RUNX1: variants seen among roughly 807,000 people sequenced by gnomAD.
RUNX1 encodes the protein RUNX family transcription factor 1, also known as runt-related transcription factor 1.
In RUNX1, 19 loss-of-function variants were observed where a neutral mutation model predicts 42.8. The observed-to-expected ratio is 0.44, with a 90% CI of 0.31 to 0.65. The LOEUF is 0.65. Ranked by LOEUF, RUNX1 falls within the 30% of genes least tolerant of loss-of-function variation. The probability of loss-of-function intolerance (pLI) is 0.07; values close to 1 mark genes in which losing one functional copy is unlikely to be tolerated. For synonymous variants in RUNX1, 271 were observed against 289.4 expected (o/e 0.94, Z 0.64); for missense variants, 528 against 672.0 (o/e 0.79, Z 2.37).
At chr21:34,821,758 C>T (rs188388650) in intron 7 of RUNX1, 37 of 1,448,540 alleles carry the variant, frequency 2.6e-5, no homozygotes, top group Admixed American at 4.1e-5. Context: ...TTTATAGAGC[C>T]GCGAATGCAT....
chr21:34,836,040 A>G (rs1442913497), intron 6 of RUNX1, among the ~76,000 whole-genome samples: 1 of 152,214 alleles, frequency 6.6e-6, no homozygotes, highest in Non-Finnish European at 1.5e-5. Flanking sequence ...GACCAGAAAA[A>G]AAGGGCCCAC....
At chr21:34,927,049 G>C (rs980780973) in intron 2 of RUNX1, among the ~76,000 whole-genome samples, 5 of 152,092 alleles carry the variant, frequency 3.3e-5, no homozygotes, top group African/African-American at 1.2e-4. Context: ...TGAGGAACCA[G>C]TTGCCTGCCC....
intron 2 of RUNX1, among the ~76,000 whole-genome samples, chr21:34,962,501 T>C (rs1269629488): frequency 1.3e-5 from 2 of 152,236 alleles, no homozygotes; most frequent in Non-Finnish European, 2.9e-5. Context: ...TAAAAATTTG[T>C]AGTAATCTGG....
chr21:34,898,384 T>G (rs1015517137), intron 2 of RUNX1, among the ~76,000 whole-genome samples: 1 of 152,216 alleles, frequency 6.6e-6, no homozygotes, highest in African/African-American at 2.4e-5. Context: ...GGGCATGCTC[T>G]TTCCCTCTCC....
intron 2 of RUNX1, among the ~76,000 whole-genome samples, chr21:35,029,559 C>T (rs2242894): frequency 0.29 from 44,347 of 152,034 alleles, 7,005 homozygotes; most frequent in Non-Finnish European, 0.37. Context: ...CAGCCCTTGG[C>T]GAGGTATCTT....
intron 5 of RUNX1, among the ~76,000 whole-genome samples, chr21:34,870,442 T>G (rs530387032): frequency 1.3e-5 from 2 of 152,348 alleles, no homozygotes; most frequent in South Asian, 2.1e-4. Context: ...CCAGGGGACA[T>G]GACGCAATGG....
At chr21:34,810,717 C>T (rs900466892) in intron 7 of RUNX1, among the ~76,000 whole-genome samples, 7 of 152,124 alleles carry the variant, frequency 4.6e-5, no homozygotes, top group Admixed American at 1.3e-4. Context: ...GTGAAATGTG[C>T]CCCTCTGCCC....
intron 5 of RUNX1, among the ~76,000 whole-genome samples, chr21:34,869,157 C>T (rs1385193895): frequency 3.3e-5 from 5 of 152,162 alleles, no homozygotes; most frequent in Non-Finnish European, 7.3e-5. Context: ...CAGCAAGACC[C>T]ATGCTGCCTC....
chr21:34,888,858 C>G (rs758139113), intron 3 of RUNX1, among the ~76,000 whole-genome samples: 86 of 151,846 alleles, frequency 5.7e-4, no homozygotes, highest in Non-Finnish European at 1.1e-3. Flanking sequence ...CCCGCGCGCC[C>G]CCGCCGCCGC....
chr21:35,007,277 G>A (rs1226219456), intron 2 of RUNX1, among the ~76,000 whole-genome samples: 2 of 152,170 alleles, frequency 1.3e-5, no homozygotes, highest in Non-Finnish European at 1.5e-5. Context: ...CTGCGGGGCA[G>A]GGCTGTCCTG....
chr21:35,001,633 G>A (rs2059045054), intron 2 of RUNX1, among the ~76,000 whole-genome samples: 1 of 152,026 alleles, frequency 6.6e-6, no homozygotes, highest in Admixed American at 6.6e-5. Flanking sequence ...ACACAGTACT[G>A]GAAATTCTAG....
intron 2 of RUNX1, among the ~76,000 whole-genome samples, chr21:34,973,398 G>C (rs145937490): frequency 3.3e-5 from 5 of 152,310 alleles, no homozygotes; most frequent in African/African-American, 1.2e-4. Context: ...GATTGGACAA[G>C]TCACATAATC....
At chr21:34,969,590 C>T (rs1419776574) in intron 2 of RUNX1, among the ~76,000 whole-genome samples, 3 of 152,128 alleles carry the variant, frequency 2.0e-5, no homozygotes, top group Non-Finnish European at 4.4e-5. Flanking sequence ...CTTTGTACTT[C>T]TGCCAGGAGA....
intron 7 of RUNX1, among the ~76,000 whole-genome samples, chr21:34,816,933 G>T (rs1205416755): frequency 6.6e-6 from 1 of 152,190 alleles, no homozygotes; most frequent in East Asian, 1.9e-4. Context: ...GGCTAGAGAA[G>T]GAGACAGGAA....
At chr21:34,912,184 G>A (rs1355681320) in intron 2 of RUNX1, among the ~76,000 whole-genome samples, 1 of 149,544 alleles carries the variant, frequency 6.7e-6, no homozygotes, top group East Asian at 2.0e-4. Context: ...ACAATGAACT[G>A]TAGCTGCCAC....
intron 2 of RUNX1, among the ~76,000 whole-genome samples, chr21:34,965,102 C>T (rs542101369): frequency 2.0e-4 from 31 of 152,032 alleles, no homozygotes; most frequent in African/African-American, 4.6e-4. Context: ...CTCATGCACA[C>T]GCACATACAC....
chr21:34,853,072 C>A (rs573119595), intron 6 of RUNX1, among the ~76,000 whole-genome samples: 3 of 152,216 alleles, frequency 2.0e-5, no homozygotes, highest in Non-Finnish European at 2.9e-5. Flanking sequence ...CTGCAGGTCA[C>A]TCCACTTTAC....
intron 2 of RUNX1, among the ~76,000 whole-genome samples, chr21:35,005,428 C>A (rs1420997335): frequency 6.6e-6 from 1 of 152,082 alleles, no homozygotes; most frequent in Admixed American, 6.6e-5. Context: ...ATGGCCCCAC[C>A]CCATACCCCA....
intron 2 of RUNX1, among the ~76,000 whole-genome samples, chr21:34,992,773 G>A (rs1275585781): frequency 6.6e-6 from 1 of 152,154 alleles, no homozygotes; most frequent in African/African-American, 2.4e-5. Flanking sequence ...CGCCTTCGTG[G>A]CAGCCCAGGC....
Sources: allele counts gnomAD v4.1 joint callset (sites outside exome capture counted in the v4.1 genomes callset), GRCh38; gene constraint gnomAD v4.1.1; transcripts MANE v1.5; gene names NCBI Gene and HGNC (gene_info 2026-07-23, HGNC 2026-07-21).